The following MTA3 variants were observed in gnomAD, a reference collection of about 807,000 sequenced individuals.
The protein encoded by MTA3 is metastasis-associated protein MTA3.
MTA3 carries 34 observed loss-of-function variants against 83.5 expected under a neutral mutation model. The ratio of observed to expected loss-of-function variants is 0.41; its 90% CI spans 0.31 to 0.54. MTA3 has a LOEUF of 0.54. Ranked by LOEUF, MTA3 falls within the 20% of genes least tolerant of loss-of-function variation. The pLI is 0.33. For synonymous variants in MTA3, 303 were observed against 252.7 expected, an observed-to-expected ratio of 1.20 and a Z score of -1.89; for missense variants, 761 against 726.4, an observed-to-expected ratio of 1.05 and a Z score of -0.55.
intron 2 of MTA3, among the ~76,000 whole-genome samples, chr2:42,548,636 C>T (rs1376115148): frequency 6.9e-6 from 1 of 144,490 alleles, no homozygotes; most frequent in Non-Finnish European, 1.5e-5. Context: ...CTACAGAAAA[C>T]TCTATCTCCA....
At chr2:42,628,911 A>G (rs1339176905) in intron 4 of MTA3, among the ~76,000 whole-genome samples, 1 of 152,022 alleles carries the variant, frequency 6.6e-6, no homozygotes, top group Non-Finnish European at 1.5e-5. Flanking sequence ...TTTTCTTTTT[A>G]AACAAAAAAT....
Position 42,525,920 on chromosome 2 carries a change from C to T in MTA3, c.-141+30666C>T, listed in dbSNP as rs368767570. The stretch of plus-strand genomic sequence containing the variant: ...GGCAATCCACCTGCCTCAGCCTCCC[C>T]AAGTGCTAGGATTACAGGCATGAGC... On this transcript the variant is annotated intron_variant, in intron 2 of 17. Transcript: ENST00000405592. Among the ~76,000 whole-genome samples the T allele has an allele frequency of 6.0e-5, 9 of 150,488 alleles. No homozygotes were observed. In the East Asian group the frequency reaches 1.4e-3, roughly 24 times the overall value.
At chr2:42,653,991 A>G (rs1400700395) in intron 6 of MTA3, among the ~76,000 whole-genome samples, 1 of 152,240 alleles carries the variant, frequency 6.6e-6, no homozygotes, top group African/African-American at 2.4e-5. Context: ...GTGGCTTGCA[A>G]CTGTTTGATT....
chr2:42,594,832 TTC>T (rs1305691878), intron 3 of MTA3, among the ~76,000 whole-genome samples: 2 of 143,364 alleles, frequency 1.4e-5, no homozygotes, highest in Non-Finnish European at 3.0e-5. Context: ...GTTCACGCCA[TTC>T]TCCCGCCTCA....
At chr2:42,703,182 C>T (rs1002702296) in intron 11 of MTA3, 2 of 152,230 alleles carry the variant, frequency 1.3e-5, no homozygotes, top group African/African-American at 2.4e-5. Context: ...AGGCTGGTCT[C>T]CGAACTCCTG....
intron 14 of MTA3, among the ~76,000 whole-genome samples, chr2:42,718,688 A>C (rs769947488): frequency 2.8e-4 from 43 of 151,954 alleles, no homozygotes; most frequent in Non-Finnish European, 5.9e-4. Context: ...GCTTGAACCC[A>C]GGAGGTGGAG....
intron 2 of MTA3, among the ~76,000 whole-genome samples, chr2:42,544,937 G>C (rs1405388929): frequency 2.0e-5 from 3 of 152,090 alleles, no homozygotes; most frequent in African/African-American, 7.2e-5. Flanking sequence ...CTGGCATTTT[G>C]ACAACCAGCT....
chr2:42,714,292 T>A (rs915747649), intron 14 of MTA3, among the ~76,000 whole-genome samples: 1 of 152,224 alleles, frequency 6.6e-6, no homozygotes, highest in Non-Finnish European at 1.5e-5. Flanking sequence ...TAATCTGTGA[T>A]ATGTGATACA....
chr2:42,662,241 T>C (rs566879503), intron 8 of MTA3, among the ~76,000 whole-genome samples: 7 of 152,212 alleles, frequency 4.6e-5, no homozygotes, highest in African/African-American at 1.4e-4. Context: ...TTTTGCTGTG[T>C]TACTCATAAT....
intron 2 of MTA3, among the ~76,000 whole-genome samples, chr2:42,540,873 A>G (rs1676489249): frequency 6.6e-6 from 1 of 151,950 alleles, no homozygotes; most frequent in African/African-American, 2.4e-5. Flanking sequence ...TTTTTCCCAA[A>G]TTGATAATTT....
chr2:42,547,006 C>A (rs1676786197), intron 2 of MTA3, among the ~76,000 whole-genome samples: 1 of 152,142 alleles, frequency 6.6e-6, no homozygotes, highest in African/African-American at 2.4e-5. Context: ...CCAGGCTTCA[C>A]GAGGATGTGG....
intron 4 of MTA3, among the ~76,000 whole-genome samples, chr2:42,629,211 C>T (rs768077982): frequency 6.6e-6 from 1 of 152,084 alleles, no homozygotes; most frequent in Admixed American, 6.6e-5. Context: ...TCCTGAGTAG[C>T]TGGGATTACA....
intron 3 of MTA3, among the ~76,000 whole-genome samples, chr2:42,585,864 G>T (rs1372240852): frequency 1.3e-5 from 2 of 152,092 alleles, no homozygotes; most frequent in Non-Finnish European, 2.9e-5. Flanking sequence ...CTTGAGTCCA[G>T]TATTTCAGGG....
chr2:42,547,276 C>A (rs994379116), intron 2 of MTA3, among the ~76,000 whole-genome samples: 6 of 152,204 alleles, frequency 3.9e-5, no homozygotes, highest in African/African-American at 1.4e-4. Flanking sequence ...AAGTGATGAA[C>A]AGAAATAGGA....
rs1399933998 is a variant in MTA3, at chr2:42,568,740, G to A, written c.-6G>A. On this transcript the variant is annotated 5_prime_UTR_variant, in exon 1 of 17. Coordinates refer to ENST00000405094, the MANE Select transcript of MTA3 (RefSeq NM_001330442.2). ...CGGCTCGGGCTCCGCGGGCGGGCGG[G>A]CGGACATGGCGGCCAACATGTACCG... The A allele has an allele frequency of 8.2e-6, 10 of 1,217,060 alleles. No homozygotes were observed. Among genetic ancestry groups the A allele is most frequent in the Non-Finnish European group, 1.0e-5 (10 of 979,380 alleles). The allele number at this position is 1,217,060 out of a possible 1,614,324, so 75.4% of individuals were successfully genotyped here.
upstream of MTA3, chr2:42,568,425 C>CCTTCCA (rs1370037651): frequency 6.7e-6 from 1 of 148,988 alleles, no homozygotes; most frequent in African/African-American, 2.5e-5. Context: ...CCCCACCCTC[C>CCTTCCA]CTCCCACTCC....
At chr2:42,544,100 C>T (rs984174906) in intron 2 of MTA3, among the ~76,000 whole-genome samples, 5 of 152,104 alleles carry the variant, frequency 3.3e-5, no homozygotes, top group African/African-American at 1.2e-4. Context: ...ACTCCTATGA[C>T]AGCAGAATGT....
At chr2:42,658,241 A>G (rs1402575896) in intron 7 of MTA3, among the ~76,000 whole-genome samples, 3 of 152,144 alleles carry the variant, frequency 2.0e-5, no homozygotes, top group Non-Finnish European at 4.4e-5. Flanking sequence ...TGAGTGTGTA[A>G]ATTGGTACAG....
chr2:42,601,409 C>T (rs1244179835), intron 3 of MTA3, among the ~76,000 whole-genome samples: 1 of 152,170 alleles, frequency 6.6e-6, no homozygotes, highest in African/African-American at 2.4e-5. Context: ...TTAAGTTTTT[C>T]CAGTGTGGCT....
Sources: allele counts gnomAD v4.1 joint callset (sites outside exome capture counted in the v4.1 genomes callset), GRCh38; gene constraint gnomAD v4.1.1; transcripts MANE v1.5; gene names NCBI Gene and HGNC (gene_info 2026-07-23, HGNC 2026-07-21).